Variants in GSK3B observed in about 807,000 individuals in gnomAD.
GSK3B encodes the protein glycogen synthase kinase-3 beta.
GSK3B carries 15 observed loss-of-function variants against 56.4 expected under a neutral mutation model. That is an observed-to-expected ratio of 0.27 (90% CI 0.18 to 0.41). The LOEUF is 0.41. Ranked by LOEUF, GSK3B falls within the 10% of genes least tolerant of loss-of-function variation. GSK3B has a pLI of 1.00. For missense variants in GSK3B, 300 were observed against 513.4 expected, an observed-to-expected ratio of 0.58 and a Z score of 4.02; for synonymous variants, 181 against 188.9, an observed-to-expected ratio of 0.96 and a Z score of 0.34.
intron 1 of GSK3B, among the ~76,000 whole-genome samples, chr3:120,012,494 C>T (rs1307899084): frequency 2.0e-5 from 3 of 152,282 alleles, no homozygotes; most frequent in East Asian, 1.9e-4. Flanking sequence ...CCCTCTCTCC[C>T]GTCAGAGGAC....
intron 7 of GSK3B, among the ~76,000 whole-genome samples, chr3:119,882,839 T>C (rs1559821465): frequency 6.6e-6 from 1 of 152,170 alleles, no homozygotes; most frequent in South Asian, 2.1e-4. Context: ...TCCCCACTGG[T>C]TAAAAAAAGG....
intron 2 of GSK3B, among the ~76,000 whole-genome samples, chr3:119,967,760 C>CTT (rs1553741176): frequency 1.3e-5 from 2 of 151,304 alleles, no homozygotes. Context: ...CCCCTCCCCT[C>CTT]CTTTTCTTTT....
At chr3:120,075,877 T>A (rs183421865) in intron 1 of GSK3B, among the ~76,000 whole-genome samples, 19 of 151,672 alleles carry the variant, frequency 1.3e-4, no homozygotes, top group Non-Finnish European at 1.3e-4. Context: ...GAAAAAGCAA[T>A]CCTAAAATTC....
At chr3:119,870,862 A>G (rs1173059659) in intron 8 of GSK3B, among the ~76,000 whole-genome samples, 2 of 152,220 alleles carry the variant, frequency 1.3e-5, no homozygotes, top group Non-Finnish European at 2.9e-5. Flanking sequence ...TTAGGAGCCA[A>G]TAGAAATCCC....
chr3:119,859,250 C>T (rs2056067216), intron 9 of GSK3B, among the ~76,000 whole-genome samples: 1 of 151,166 alleles, frequency 6.6e-6, no homozygotes, highest in Admixed American at 6.6e-5. Flanking sequence ...AATGTATGTC[C>T]ATACTTTAAT....
rs1242942073 is a variant in GSK3B at position 119,826,239 on chromosome 3, A to AAGTGTGT, written c.*548_*549insACACACT. 3.6e-6 allele frequency: 1 copy of AAGTGTGT among 275,234 alleles called. No individual in the cohort carries two copies. The highest frequency in any genetic ancestry group is 5.8e-5 in the East Asian group (1 of 17,186). 17.0% of individuals were successfully genotyped at this position (275,234 alleles called of 1,614,324 possible). On this transcript the variant is annotated 3_prime_UTR_variant, in exon 11 of 11. Transcript: ENST00000264235. ...TTTGTCTGCCACACCTGCCACCAAC[A>AAGTGTGT]TGCCAAAGGCAAGTCTATAAATACC... is the stretch of plus-strand genomic sequence containing the variant.
intron 1 of GSK3B, among the ~76,000 whole-genome samples, chr3:120,032,476 G>GA (rs200788694): frequency 2.0e-3 from 281 of 142,926 alleles, no homozygotes; most frequent in African/African-American, 5.4e-3. Context: ...CTCCGTCTCG[G>GA]AAAAAAAAAA....
chr3:119,848,155 T>C (rs1008583644), intron 9 of GSK3B, among the ~76,000 whole-genome samples: 2 of 152,232 alleles, frequency 1.3e-5, no homozygotes, highest in African/African-American at 4.8e-5. Context: ...CTGTAGCAAG[T>C]AGTGGTAGCG....
chr3:120,030,377 T>A (rs2057965368), intron 1 of GSK3B, among the ~76,000 whole-genome samples: 1 of 152,230 alleles, frequency 6.6e-6, no homozygotes, highest in Admixed American at 6.5e-5. Context: ...CAGACTACTC[T>A]TTCAACCTTT....
At chr3:119,843,212 G>T in intron 10 of GSK3B, 43 bp downstream of exon 10, 1 of 1,297,140 alleles carries the variant, frequency 7.7e-7, no homozygotes, top group Non-Finnish European at 1.1e-6. Flanking sequence ...ATCATGCCCA[G>T]CCCAGAATAT....
chr3:120,018,627 G>C (rs942411874), intron 1 of GSK3B, among the ~76,000 whole-genome samples: 2 of 152,140 alleles, frequency 1.3e-5, no homozygotes, highest in Admixed American at 1.3e-4. Context: ...AAAAGTGAAA[G>C]TGAATTGAAT....
chr3:120,084,991 G>A (rs1044598683), intron 1 of GSK3B, among the ~76,000 whole-genome samples: 3 of 152,098 alleles, frequency 2.0e-5, no homozygotes, highest in African/African-American at 7.2e-5. Context: ...TCATTAATCC[G>A]TAAAGATTCA....
At chr3:119,987,269 ATACC>A (rs1258604483) in intron 2 of GSK3B, among the ~76,000 whole-genome samples, 20 of 152,348 alleles carry the variant, frequency 1.3e-4, no homozygotes, top group African/African-American at 4.8e-4. Flanking sequence ...TGGCACATGT[ATACC>A]TATGTATCAA....
chr3:120,021,438 C>T lies in GSK3B; in HGVS notation c.89-19199G>A, dbSNP rs189154403. On this transcript the variant is annotated intron_variant, in intron 1 of 10. Coordinates refer to ENST00000264235, the MANE Select transcript of GSK3B (RefSeq NM_001146156.2). The stretch of plus-strand genomic sequence containing the variant: ...GGCTGAGGCAGGAGAATCACTTGAA[C>T]TCGGAGGGCAGAGGTTGCAGTGAGC... Among the ~76,000 whole-genome samples the T allele has an allele frequency of 2.0e-5, 3 of 151,672 alleles. No individual in the cohort carries two copies. In the East Asian group the frequency reaches 5.8e-4, roughly 29 times the overall value.
Position 120,074,404 on chromosome 3 carries a change from T to G in GSK3B, c.88+18943A>C, listed in dbSNP as rs1453134511. On this transcript the variant is annotated intron_variant, in intron 1 of 10. Transcript: ENST00000264235. ...TTCCACTCTGTCACCCAGGCTGGAG[T>G]GCAGTGGCACGATCTTGGCTTACTG... Among the ~76,000 whole-genome samples, 8 of 147,188 alleles carry G rather than the reference T, an allele frequency of 5.4e-5. No individual in the cohort carries two copies. In the East Asian group the frequency reaches 1.0e-3, roughly 18 times the overall value.
At chr3:119,947,375 A>G in intron 2 of GSK3B, 24 bp from the exon 3 acceptor site, 5 of 1,391,308 alleles carry the variant, frequency 3.6e-6, no homozygotes, top group Middle Eastern at 3.5e-4. Flanking sequence ...ACATAAAAAT[A>G]TATTTTTAAA....
intron 2 of GSK3B, among the ~76,000 whole-genome samples, chr3:119,995,002 C>G (rs1201101353): frequency 6.6e-6 from 1 of 151,786 alleles, no homozygotes; most frequent in African/African-American, 2.4e-5. Flanking sequence ...GATAAAAGAG[C>G]CTCATACTTA....
intron 9 of GSK3B, among the ~76,000 whole-genome samples, chr3:119,861,747 C>G (rs1424986314): frequency 1.3e-5 from 2 of 152,140 alleles, no homozygotes; most frequent in African/African-American, 4.8e-5. Context: ...AGGGGCCATA[C>G]CTCAAAATGA....
chr3:119,990,916 G>T (rs1353703372), intron 2 of GSK3B, among the ~76,000 whole-genome samples: 1 of 151,592 alleles, frequency 6.6e-6, no homozygotes, highest in Non-Finnish European at 1.5e-5. Context: ...CAACAAGAGT[G>T]AAATTCTGTC....
Sources: allele counts gnomAD v4.1 joint callset (sites outside exome capture counted in the v4.1 genomes callset), GRCh38; gene constraint gnomAD v4.1.1; transcripts MANE v1.5; gene names NCBI Gene and HGNC (gene_info 2026-07-23, HGNC 2026-07-21).